Variants in USP46 observed in about 807,000 individuals in gnomAD.
The protein encoded by USP46 is ubiquitin carboxyl-terminal hydrolase 46.
A neutral mutation model predicts 44.4 loss-of-function variants in USP46; 12 were observed. The observed-to-expected ratio is 0.27, with a 90% CI of 0.17 to 0.44. The LOEUF is 0.44. USP46 is among the 20% of genes least tolerant of loss of function. The pLI is 1.00. For synonymous variants in USP46, 155 were observed against 161.5 expected (o/e 0.96, Z 0.31); for missense variants, 248 against 444.8 (o/e 0.56, Z 3.98).
At chr4:52,654,245 T>C (rs567942966) in intron 1 of USP46, among the ~76,000 whole-genome samples, 3 of 152,220 alleles carry the variant, frequency 2.0e-5, no homozygotes, top group African/African-American at 7.2e-5. Flanking sequence ...TAGACCCTCA[T>C]ATGACTTTAC....
At chr4:52,644,362 T>C (rs987060505) in intron 1 of USP46, among the ~76,000 whole-genome samples, 3 of 152,116 alleles carry the variant, frequency 2.0e-5, no homozygotes, top group Non-Finnish European at 2.9e-5. Context: ...AAGGGGCATT[T>C]TCATCCCACA....
rs1243606082 is a variant in USP46, at chr4:52,596,103, T to C, written c.*1537A>G. 1.3e-5 allele frequency: 2 copies of C among 152,592 alleles called. No homozygotes were observed. The highest frequency in any genetic ancestry group is 2.9e-5 in the Non-Finnish European group (2 of 68,022). 9.5% of individuals were successfully genotyped at this position (152,592 alleles called of 1,614,324 possible). A position where few individuals can be genotyped will look rare whatever the true frequency, so the allele number is the denominator to read the frequency against. On this transcript the variant is annotated 3_prime_UTR_variant, in exon 9 of 9. Transcript: ENST00000441222. ...TACTTAAGTTCTGAGCAATAAACAG[T>C]TCAAGATATTTCAAAGATAAGAAAT... is the stretch of plus-strand genomic sequence containing the variant.
intron 1 of USP46, among the ~76,000 whole-genome samples, chr4:52,641,728 A>T (rs1577692384): frequency 6.6e-6 from 1 of 152,242 alleles, no homozygotes; most frequent in East Asian, 1.9e-4. Context: ...TAAAAAACGA[A>T]GGCCCAGAGA....
intron 1 of USP46, chr4:52,656,145 G>C: frequency 1.4e-6 from 1 of 724,862 alleles, no homozygotes; most frequent in South Asian, 1.8e-5. Flanking sequence ...TTCAAAATAT[G>C]TTAAACGATG....
Position 52,659,285 on chromosome 4 carries a change from A to G in USP46, c.-135T>C, listed in dbSNP as rs1382750524. The G allele has an allele frequency of 1.9e-6, 1 of 515,510 alleles. No homozygotes were observed. Among genetic ancestry groups the G allele is most frequent in the Non-Finnish European group, 2.7e-6 (1 of 373,036 alleles). The allele number at this position is 515,510 out of a possible 1,614,324, so 31.9% of individuals were successfully genotyped here. On this transcript the variant is annotated 5_prime_UTR_variant, in exon 1 of 9. Coordinates refer to ENST00000441222, the MANE Select transcript of USP46 (RefSeq NM_022832.4). This position sits in a 1 kb window ranked among gnomAD's most constrained non-coding sequence, Gnocchi z 4.2. ...GTCCGGCTTTCAGTTTGGCTGGGAGAGGGAGGCCGGGAGGAGGAGGCGGCG... is the reference window on the plus strand; with the variant it reads ...GTCCGGCTTTCAGTTTGGCTGGGAGGGGGAGGCCGGGAGGAGGAGGCGGCG...
At chr4:52,608,295 T>C (rs1716777960) in intron 5 of USP46, among the ~76,000 whole-genome samples, 1 of 152,250 alleles carries the variant, frequency 6.6e-6, no homozygotes. Flanking sequence ...ATATTTTCAA[T>C]TAAAATCTTC....
chr4:52,643,124 C>CT (rs138936420), intron 1 of USP46, among the ~76,000 whole-genome samples: 1 of 152,210 alleles, frequency 6.6e-6, no homozygotes, highest in East Asian at 1.9e-4. Flanking sequence ...TCTGTTATGC[C>CT]TTTAAAAGAT....
At chr4:52,607,914 C>T (rs1236047306) in intron 5 of USP46, among the ~76,000 whole-genome samples, 3 of 152,194 alleles carry the variant, frequency 2.0e-5, no homozygotes, top group Non-Finnish European at 4.4e-5. Context: ...AATTAAACCT[C>T]TTTTCTTTAT....
At chr4:52,626,870 A>T (rs1433428377) in intron 3 of USP46, among the ~76,000 whole-genome samples, 1 of 152,254 alleles carries the variant, frequency 6.6e-6, no homozygotes, top group African/African-American at 2.4e-5. Flanking sequence ...TAAAATATCA[A>T]TTTTTAATAT....
intron 4 of USP46, among the ~76,000 whole-genome samples, chr4:52,613,202 A>C (rs1180096411): frequency 6.6e-6 from 1 of 152,118 alleles, no homozygotes; most frequent in Non-Finnish European, 1.5e-5. Context: ...AAATCTGGGA[A>C]ACCATGCCCA....
chr4:52,657,126 T>C (rs568007971), intron 1 of USP46, among the ~76,000 whole-genome samples: 1 of 150,996 alleles, frequency 6.6e-6, no homozygotes, highest in Non-Finnish European at 1.5e-5. Flanking sequence ...TCTCTAGACA[T>C]GGCGTCTAAA....
chr4:52,646,923 T>A (rs1718568050), intron 1 of USP46, among the ~76,000 whole-genome samples: 1 of 152,322 alleles, frequency 6.6e-6, no homozygotes, highest in South Asian at 2.1e-4. Context: ...TCACACATAT[T>A]GCTGATGGAG....
rs536491762 is a variant in USP46, at chr4:52,654,957, C to T, written c.36+4158G>A. On this transcript the variant is annotated intron_variant, in intron 1 of 8. Coordinates refer to ENST00000441222, the MANE Select transcript of USP46 (RefSeq NM_022832.4). The stretch of plus-strand genomic sequence containing the variant: ...ACAAGATGAGAAAAACTAAGGTCTC[C>T]GGAAATACAACAGTTTGCCCAAAAG... Among the ~76,000 whole-genome samples, 26 of 152,182 alleles carry T rather than the reference C, an allele frequency of 1.7e-4. No homozygotes were observed. In the East Asian group the frequency reaches 2.3e-3, roughly 14 times the overall value.
intron 2 of USP46, among the ~76,000 whole-genome samples, chr4:52,629,977 A>C (rs1717753671): frequency 6.6e-6 from 1 of 152,190 alleles, no homozygotes. Context: ...GCAGAGAATT[A>C]TTTCCAACTT....
chr4:52,600,698 C>A (rs1448787863), intron 7 of USP46, among the ~76,000 whole-genome samples: 1 of 152,070 alleles, frequency 6.6e-6, no homozygotes, highest in African/African-American at 2.4e-5. Context: ...ACCACCCCTG[C>A]CACCCACTTT....
rs373750942 is a variant in USP46, at chr4:52,642,613, T to C, written c.37-11469A>G. Among the ~76,000 whole-genome samples, 10 of 152,224 alleles carry C rather than the reference T, an allele frequency of 6.6e-5. No homozygotes were observed. The East Asian group carries it at 1.7e-3, about 26-fold the overall frequency. On this transcript the variant is annotated intron_variant, in intron 1 of 8. Coordinates refer to ENST00000441222, the MANE Select transcript of USP46 (RefSeq NM_022832.4). Reference sequence around the variant, plus strand: ...ATGAGAACACACAAGTCCTTTTCCATGGAATCTCTACAGAGTACTGGCAAC... The same window carrying C: ...ATGAGAACACACAAGTCCTTTTCCACGGAATCTCTACAGAGTACTGGCAAC...
chr4:52,653,323 T>C (rs1718836603), intron 1 of USP46, among the ~76,000 whole-genome samples: 1 of 151,750 alleles, frequency 6.6e-6, no homozygotes, highest in Non-Finnish European at 1.5e-5. Flanking sequence ...CTGGCCAACA[T>C]GGTGAAACCC....
chr4:52,654,771 G>A (rs1056585074), intron 1 of USP46, among the ~76,000 whole-genome samples: 10 of 152,090 alleles, frequency 6.6e-5, no homozygotes, highest in African/African-American at 9.7e-5. Context: ...TTCTACAGAC[G>A]CTAAAATGCT....
chr4:52,615,599 A>T (rs1242779967), intron 4 of USP46, among the ~76,000 whole-genome samples: 1 of 152,190 alleles, frequency 6.6e-6, no homozygotes, highest in South Asian at 2.1e-4. Context: ...AATCTCAAAA[A>T]CGTTATGTAA....
Sources: allele counts gnomAD v4.1 joint callset (sites outside exome capture counted in the v4.1 genomes callset), GRCh38; gene constraint gnomAD v4.1.1; non-coding constraint Gnocchi (gnomAD v3.1); transcripts MANE v1.5; gene names NCBI Gene and HGNC (gene_info 2026-07-23, HGNC 2026-07-21).